BRWD1: variants seen among roughly 807,000 people sequenced by gnomAD.
BRWD1 encodes bromodomain and WD repeat domain containing 1.
A neutral mutation model predicts 251.2 loss-of-function variants in BRWD1; 82 were observed. That is an observed-to-expected ratio of 0.33 (90% CI 0.27 to 0.39). The LOEUF (loss-of-function observed/expected upper bound fraction) is 0.39. Ranked by LOEUF, BRWD1 falls within the 10% of genes least tolerant of loss-of-function variation. The pLI is 1.00. For missense variants in BRWD1, 2,233 were observed against 2,711.6 expected, an observed-to-expected ratio of 0.82 and a Z score of 3.92; for synonymous variants, 918 against 902.8, an observed-to-expected ratio of 1.02 and a Z score of -0.30.
At chr21:39,248,903 T>C (rs1171678109) in intron 20 of BRWD1, among the ~76,000 whole-genome samples, 4 of 152,064 alleles carry the variant, frequency 2.6e-5, no homozygotes, top group Non-Finnish European at 2.9e-5. Flanking sequence ...CATAACGACA[T>C]ATATACACCT....
intron 31 of BRWD1, among the ~76,000 whole-genome samples, chr21:39,215,628 T>C (rs549672867): frequency 9.7e-4 from 147 of 152,266 alleles, no homozygotes; most frequent in Middle Eastern, 3.4e-3. Context: ...CTACCCTCCC[T>C]TTTCATACTG....
intron 13 of BRWD1, among the ~76,000 whole-genome samples, chr21:39,272,752 C>T (rs1021059085): frequency 7.9e-5 from 12 of 151,676 alleles, no homozygotes; most frequent in African/African-American, 2.4e-4. Context: ...GGATTACAGG[C>T]GCATGCCACC....
upstream of BRWD1, chr21:39,315,664 A>G (rs978356007): frequency 6.6e-6 from 1 of 152,124 alleles, no homozygotes; most frequent in African/African-American, 2.4e-5. Context: ...TGAGGTAACA[A>G]TCTAAATATG....
At chr21:39,285,776 A>T (rs2035612712) in intron 8 of BRWD1, among the ~76,000 whole-genome samples, 1 of 151,456 alleles carries the variant, frequency 6.6e-6, no homozygotes, top group Non-Finnish European at 1.5e-5. Context: ...CACACACAAA[A>T]AAACTTAGCC....
intron 19 of BRWD1, among the ~76,000 whole-genome samples, chr21:39,253,992 C>T (rs2034481435): frequency 6.6e-6 from 1 of 152,118 alleles, no homozygotes; most frequent in Non-Finnish European, 1.5e-5. Context: ...TTAGGCTGGG[C>T]GTAGTGGCTC....
At chr21:39,280,354 CAT>C (rs2146703095) in intron 8 of BRWD1, 106 bp from the exon 9 acceptor site, 1 of 819,592 alleles carries the variant, frequency 1.2e-6, no homozygotes, top group Non-Finnish European at 1.9e-6. Context: ...GAAATAAACA[CAT>C]GAAATCCAAA....
At chr21:39,286,278 A>G (rs1393871053) in intron 8 of BRWD1, among the ~76,000 whole-genome samples, 1 of 152,096 alleles carries the variant, frequency 6.6e-6, no homozygotes. Context: ...TCGGCCTCCC[A>G]AAGTGCTGGG....
intron 32 of BRWD1, among the ~76,000 whole-genome samples, chr21:39,213,820 T>C (rs190449740): frequency 7.2e-5 from 11 of 152,008 alleles, no homozygotes; most frequent in African/African-American, 1.7e-4. Flanking sequence ...ATGGCCTCAA[T>C]TGGATGAATA....
intron 27 of BRWD1, 45 bp downstream of exon 27, chr21:39,228,455 G>T: frequency 7.5e-7 from 1 of 1,324,518 alleles, no homozygotes; most frequent in Non-Finnish European, 1.1e-6. Flanking sequence ...CAATAAAACA[G>T]ATTAATTTTT....
intron 8 of BRWD1, among the ~76,000 whole-genome samples, chr21:39,289,529 C>T (rs1046049487): frequency 7.9e-5 from 12 of 152,118 alleles, no homozygotes; most frequent in African/African-American, 2.9e-4. Flanking sequence ...GATCACATCC[C>T]CACCTAAAGA....
At chr21:39,279,638 C>CAAAAAAAAAAAA (rs77282416) in intron 9 of BRWD1, among the ~76,000 whole-genome samples, 52 of 65,704 alleles carry the variant, frequency 7.9e-4, no homozygotes, top group East Asian at 3.4e-3. Context: ...GACTCCATCT[C>CAAAAAAAAAAAA]AAAAAAAAAA....
At position 39,189,779 on chromosome 21, in the gene BRWD1, A is replaced by AAT; in HGVS notation, c.*6478_*6479dup. On this transcript the variant is annotated 3_prime_UTR_variant, in exon 41 of 41. Transcript: ENST00000342449. ...CAAGAAAACTACAAACAGTTTTAGAAATATATATAGGATATTTCAGGGTTA... is the reference window on the plus strand; with the variant it reads ...CAAGAAAACTACAAACAGTTTTAGAAATATATATATAGGATATTTCAGGGTTA... 1 of 984,774 alleles carries AAT rather than the reference A, an allele frequency of 1.0e-6. No individual in the cohort carries two copies. Among genetic ancestry groups the AAT allele is most frequent in the African/African-American group, 1.7e-5 (1 of 57,316 alleles). The allele number at this position is 984,774 out of a possible 1,614,324, so 61.0% of individuals were successfully genotyped here. A position where few individuals can be genotyped will look rare whatever the true frequency, so the allele number is the denominator to read the frequency against.
At chr21:39,317,094 A>G (rs922958212), upstream of BRWD1, 2 of 152,242 alleles carry the variant, frequency 1.3e-5, no homozygotes, top group Admixed American at 6.5e-5. Context: ...TTCGACTCCC[A>G]TATGTCAAGA....
chr21:39,299,118 G>A (rs948446284), intron 4 of BRWD1, among the ~76,000 whole-genome samples: 1 of 152,192 alleles, frequency 6.6e-6, no homozygotes, highest in African/African-American at 2.4e-5. Flanking sequence ...AGCTACTTGG[G>A]AGGCTGAGGC....
intron 25 of BRWD1, among the ~76,000 whole-genome samples, chr21:39,231,461 T>A (rs1003888019): frequency 6.6e-6 from 1 of 152,222 alleles, no homozygotes; most frequent in Non-Finnish European, 1.5e-5. Flanking sequence ...TTCACTATTG[T>A]GGAATATCTG....
At chr21:39,271,873 T>C (rs2035119120) in intron 13 of BRWD1, among the ~76,000 whole-genome samples, 1 of 151,498 alleles carries the variant, frequency 6.6e-6, no homozygotes. Flanking sequence ...ATCATGCCTC[T>C]ATAAAAAATA....
chr21:39,203,375 A>G (rs1452338646), intron 37 of BRWD1, among the ~76,000 whole-genome samples: 1 of 150,510 alleles, frequency 6.6e-6, no homozygotes, highest in Non-Finnish European at 1.5e-5. Flanking sequence ...GGAGCTTGAC[A>G]TTACGATGAC....
intron 7 of BRWD1, among the ~76,000 whole-genome samples, chr21:39,294,454 G>A (rs967539364): frequency 1.3e-5 from 2 of 151,152 alleles, no homozygotes; most frequent in Admixed American, 6.6e-5. Context: ...TCAGGAGATC[G>A]AGACCATCCT....
rs2032150187 is a variant in BRWD1, at chr21:39,202,311, A to G, written c.4585+14T>C. On this transcript the variant is annotated intron_variant, in intron 38 of 40. Transcript: ENST00000342449. Reference sequence around the variant, plus strand: ...GTGCTCAGCAAAGAAATAACATAGTATTTCACTTCTCACCAGATAATGTAG... The same window carrying G: ...GTGCTCAGCAAAGAAATAACATAGTGTTTCACTTCTCACCAGATAATGTAG... 6.3e-7 allele frequency: 1 copy of G among 1,586,534 alleles called. No homozygotes were observed. The highest frequency in any genetic ancestry group is 1.7e-5 in the Admixed American group (1 of 59,622).
Sources: gnomAD v4.1 joint callset for allele counts (sites outside exome capture counted in the v4.1 genomes callset) on GRCh38, gnomAD v4.1.1 for gene constraint, MANE v1.5 for transcripts, NCBI Gene and HGNC (gene_info 2026-07-23, HGNC 2026-07-21) for gene names.